The following PCED1B variants were observed in gnomAD, a reference collection of about 807,000 sequenced individuals.
PCED1B encodes the protein PC-esterase domain containing 1B.
For missense variants in PCED1B, 573 were observed against 573.9 expected, an observed-to-expected ratio of 1.00 and a Z score of 0.02; for synonymous variants, 251 against 246.1, an observed-to-expected ratio of 1.02 and a Z score of -0.19.
At chr12:47,183,147 AG>A (rs1373397738) in intron 2 of PCED1B, among the ~76,000 whole-genome samples, 1 of 152,204 alleles carries the variant, frequency 6.6e-6, no homozygotes, top group East Asian at 1.9e-4. Flanking sequence ...CTACCCAATT[AG>A]GGAATGAACT....
Position 47,235,641 on chromosome 12 carries a change from T to G in PCED1B, c.578T>G (p.Val193Gly). 1.2e-6 allele frequency: 2 copies of G among 1,610,456 alleles called. No individual in the cohort carries two copies. Among genetic ancestry groups the G allele is most frequent in the Non-Finnish European group, 1.7e-6 (2 of 1,178,612 alleles). ...AAGGCCACCTTCCTGAAAAACGAAG[T>G]GGTCAAAGCCAACTTCCACAGCGCC... ...RQKATFLKNE[V>G]VKANFHSATE... is the part of the protein sequence containing the mutation. The change falls in exon 4 of 4, where the codon GTG becomes GGG. Residue 193 changes from valine to glycine, a missense_variant. Val to Gly is a moderately radical substitution (Grantham distance 109). Coordinates refer to ENST00000546455, the MANE Select transcript of PCED1B (RefSeq NM_138371.3).
intron 1 of PCED1B, among the ~76,000 whole-genome samples, chr12:47,086,869 T>TA (rs1938013261): frequency 6.6e-6 from 1 of 152,342 alleles, no homozygotes. Flanking sequence ...TTATGCCCTT[T>TA]AAAAAATTGG....
rs200911934 is a variant in PCED1B, at chr12:47,157,331, GTAATC to G, written c.-526+53138_-526+53142del. ...TGGTTGGGTGGGATGGCTCACACCTGTAATCTCAGTACTTTGGGAGACCAAGGCAG... is the reference window on the plus strand; with the variant it reads ...TGGTTGGGTGGGATGGCTCACACCTGTCAGTACTTTGGGAGACCAAGGCAG... On this transcript the variant is annotated intron_variant, in intron 2 of 3. Coordinates refer to ENST00000546455, the MANE Select transcript of PCED1B (RefSeq NM_138371.3). Among the ~76,000 whole-genome samples the G allele has an allele frequency of 2.6e-3, 399 of 152,304 alleles. 2 individuals are homozygous for G. The highest frequency in any genetic ancestry group is 9.3e-3 in the African/African-American group (386 of 41,568).
At chr12:47,113,800 A>G (rs1160073998) in intron 2 of PCED1B, among the ~76,000 whole-genome samples, 2 of 152,132 alleles carry the variant, frequency 1.3e-5, no homozygotes, top group Non-Finnish European at 2.9e-5. Flanking sequence ...ACCTGAGGTC[A>G]GGAGTTCGAA....
At chr12:47,101,341 C>T (rs949556589) in intron 1 of PCED1B, among the ~76,000 whole-genome samples, 1 of 152,132 alleles carries the variant, frequency 6.6e-6, no homozygotes, top group Non-Finnish European at 1.5e-5. Flanking sequence ...CACTGTGATA[C>T]CACCAGTGAG....
At chr12:47,157,473 C>A (rs964188313) in intron 2 of PCED1B, among the ~76,000 whole-genome samples, 5 of 152,082 alleles carry the variant, frequency 3.3e-5, no homozygotes, top group Admixed American at 1.3e-4. Flanking sequence ...GCCTGCAATC[C>A]TACCTACTGG....
In PCED1B at chr12:47,235,250, G is replaced by T; in HGVS notation, c.187G>T (p.Asp63Tyr). 6.2e-7 allele frequency: 1 copy of T among 1,613,514 alleles called. No homozygotes were observed. The highest frequency in any genetic ancestry group is 8.5e-7 in the Non-Finnish European group (1 of 1,179,622). The part of the protein sequence containing the change: ...ELNFEQDELV[D>Y]GGQRGHMHNG... Reference sequence around the variant, plus strand: ...GAACTTCGAACAAGATGAGCTGGTGGACGGAGGCCAGCGGGGCCACATGCA... The same window carrying T: ...GAACTTCGAACAAGATGAGCTGGTGTACGGAGGCCAGCGGGGCCACATGCA... The change falls in exon 4 of 4, where the codon GAC (aspartate) becomes TAC (tyrosine). Residue 63 changes from aspartate (D) to tyrosine (Y), a missense_variant. Asp to Tyr is a radical substitution (Grantham distance 160). Transcript: ENST00000546455.
intron 3 of PCED1B, among the ~76,000 whole-genome samples, chr12:47,217,777 A>T (rs1943346236): frequency 6.6e-6 from 1 of 152,114 alleles, no homozygotes; most frequent in African/African-American, 2.4e-5. Context: ...GGGTTTCACC[A>T]TGTTGGCCAG....
chr12:47,083,991 C>T (rs1174736625), intron 1 of PCED1B, among the ~76,000 whole-genome samples: 1 of 152,156 alleles, frequency 6.6e-6, no homozygotes, highest in African/African-American at 2.4e-5. Context: ...GTGCGCAGTT[C>T]AGTGATTGTT....
chr12:47,086,360 TAAAA>T (rs3045485), intron 1 of PCED1B, among the ~76,000 whole-genome samples: 18 of 95,482 alleles, frequency 1.9e-4, no homozygotes, highest in South Asian at 1.5e-3. Flanking sequence ...GTGCTTATGG[TAAAA>T]AAAAAAAAAA....
intron 1 of PCED1B, among the ~76,000 whole-genome samples, chr12:47,096,404 C>T (rs1192080483): frequency 6.6e-6 from 1 of 150,644 alleles, no homozygotes; most frequent in African/African-American, 2.4e-5. Context: ...TATTTATCTT[C>T]TTTATATATA....
At chr12:47,129,754 G>A (rs951419943) in intron 2 of PCED1B, among the ~76,000 whole-genome samples, 1 of 152,188 alleles carries the variant, frequency 6.6e-6, no homozygotes, top group African/African-American at 2.4e-5. Context: ...GAATCACAAG[G>A]TACAAAGGAT....
At chr12:47,146,725 T>C (rs1036539380) in intron 2 of PCED1B, among the ~76,000 whole-genome samples, 2 of 152,366 alleles carry the variant, frequency 1.3e-5, no homozygotes, top group Non-Finnish European at 2.9e-5. Context: ...AAGTATAGTG[T>C]AAACATAACT....
At chr12:47,209,973 A>G (rs1176911168) in intron 2 of PCED1B, 1 of 152,248 alleles carries the variant, frequency 6.6e-6, no homozygotes, top group Non-Finnish European at 1.5e-5. Flanking sequence ...ATCAGAGACT[A>G]GCTTTGGAGA....
At chr12:47,158,977 C>T (rs765534474) in intron 2 of PCED1B, among the ~76,000 whole-genome samples, 6 of 152,082 alleles carry the variant, frequency 3.9e-5, no homozygotes, top group African/African-American at 1.2e-4. Flanking sequence ...TTAGCTCTCC[C>T]GTATGAGTAA....
chr12:47,171,571 A>G (rs892613184), intron 2 of PCED1B, among the ~76,000 whole-genome samples: 31 of 152,148 alleles, frequency 2.0e-4, no homozygotes, highest in Admixed American at 1.6e-3. Context: ...TCCTCTCTTC[A>G]TCTTCTACTC....
At chr12:47,130,229 A>T (rs1019927470) in intron 2 of PCED1B, among the ~76,000 whole-genome samples, 1 of 152,236 alleles carries the variant, frequency 6.6e-6, no homozygotes, top group Non-Finnish European at 1.5e-5. Context: ...ATAAAAAGTC[A>T]CTTAATATAT....
chr12:47,131,588 T>A (rs1167130901), intron 2 of PCED1B, among the ~76,000 whole-genome samples: 1 of 151,856 alleles, frequency 6.6e-6, no homozygotes, highest in Non-Finnish European at 1.5e-5. Flanking sequence ...AGGAGCAACA[T>A]GGGTAGGAAA....
At chr12:47,111,943 A>G (rs1279657907) in intron 2 of PCED1B, among the ~76,000 whole-genome samples, 1 of 152,132 alleles carries the variant, frequency 6.6e-6, no homozygotes, top group Non-Finnish European at 1.5e-5. Flanking sequence ...TGATCGCTCA[A>G]AGGCACCGGC....
Sources: gnomAD v4.1 joint callset for allele counts (sites outside exome capture counted in the v4.1 genomes callset) on GRCh38, gnomAD v4.1.1 for gene constraint, MANE v1.5 for transcripts, NCBI Gene and HGNC (gene_info 2026-07-23, HGNC 2026-07-21) for gene names.